ULK4: variants seen among roughly 807,000 people sequenced by gnomAD.
ULK4 encodes inactive serine/threonine-protein kinase ULK4.
In ULK4, 133 loss-of-function variants were observed where a neutral mutation model predicts 160.6. That is an observed-to-expected ratio of 0.83 (90% CI 0.72 to 0.96). The LOEUF (loss-of-function observed/expected upper bound fraction) is 0.96, where lower values mean the gene tolerates loss of function less well. Among genes scored for constraint, ULK4 ranks in the 40% least tolerant of loss-of-function variants. ULK4 has a pLI of 0.00. For missense variants in ULK4, 1,580 were observed against 1,499.5 expected, an observed-to-expected ratio of 1.05 and a Z score of -0.89; for synonymous variants, 534 against 539.8, an observed-to-expected ratio of 0.99 and a Z score of 0.15.
intron 27 of ULK4, among the ~76,000 whole-genome samples, chr3:41,689,354 TTTA>T (rs2036205441): frequency 1.3e-5 from 2 of 152,244 alleles, no homozygotes; most frequent in African/African-American, 4.8e-5. Flanking sequence ...TATACCAGAC[TTTA>T]TTGAGAGTCT....
intron 19 of ULK4, among the ~76,000 whole-genome samples, chr3:41,813,622 G>A (rs867391115): frequency 6.6e-6 from 1 of 152,178 alleles, no homozygotes; most frequent in Admixed American, 6.5e-5. Context: ...CAAGGAGCAA[G>A]TAAGTTAAAT....
chr3:41,438,981 A>T (rs1391292278), intron 34 of ULK4, among the ~76,000 whole-genome samples: 3 of 82,982 alleles, frequency 3.6e-5, no homozygotes, highest in Non-Finnish European at 7.5e-5. Flanking sequence ...GAAAATTTAA[A>T]AAAAAAAAAA....
intron 35 of ULK4, among the ~76,000 whole-genome samples, chr3:41,293,640 C>T (rs936409142): frequency 2.0e-5 from 3 of 152,124 alleles, no homozygotes; most frequent in Non-Finnish European, 4.4e-5. Context: ...CAATATTATT[C>T]TCAGCAACAT....
At chr3:41,805,519 T>A (rs1211102225) in intron 19 of ULK4, among the ~76,000 whole-genome samples, 17 of 152,076 alleles carry the variant, frequency 1.1e-4, no homozygotes, top group South Asian at 2.1e-4. Context: ...TCCAACACTA[T>A]GTTGAATAGG....
At chr3:41,643,034 G>C (rs1297241353) in intron 30 of ULK4, among the ~76,000 whole-genome samples, 1 of 152,022 alleles carries the variant, frequency 6.6e-6, no homozygotes, top group African/African-American at 2.4e-5. Context: ...TTTTTGATGG[G>C]GTTGTTTGTT....
At chr3:41,378,424 C>A (rs886552270) in intron 35 of ULK4, among the ~76,000 whole-genome samples, 4 of 151,206 alleles carry the variant, frequency 2.6e-5, no homozygotes, top group Non-Finnish European at 5.9e-5. Context: ...GTGGCACTTA[C>A]ATATACACCA....
At position 41,768,176 on chromosome 3, in the gene ULK4, C is replaced by T. The variant is rs115920940; in HGVS notation, c.2194-13688G>A. 2.5e-3 allele frequency among the ~76,000 whole-genome samples: 379 copies of T among 152,282 alleles called. 2 individuals are homozygous for T. Among genetic ancestry groups the T allele is most frequent in the African/African-American group, 8.5e-3 (352 of 41,564 alleles). On this transcript the variant is annotated intron_variant, in intron 21 of 36. Transcript: ENST00000301831. The stretch of plus-strand genomic sequence containing the variant: ...AACAGTTTCATCCCAAAACCACCTC[C>T]CCAGCTCTGGTCTGCTGGAAAAAAT...
In ULK4 at chr3:41,591,536, G is replaced by A. The variant is rs544906233; in HGVS notation, c.3120+24133C>T. On this transcript the variant is annotated intron_variant, in intron 31 of 36. Transcript: ENST00000301831. ...ATGCATAAATCTCATAATGTTTTAA[G>A]AAAGTTAACGAATTTGTGTTGGGCC... Among the ~76,000 whole-genome samples the A allele has an allele frequency of 7.1e-4, 108 of 151,842 alleles. 1 individual carries two copies. The highest frequency in any genetic ancestry group is 1.3e-3 in the Non-Finnish European group (91 of 67,966).
intron 31 of ULK4, among the ~76,000 whole-genome samples, chr3:41,597,609 A>AG (rs761602093): frequency 3.3e-5 from 5 of 152,160 alleles, no homozygotes; most frequent in Non-Finnish European, 7.3e-5. Context: ...TAGGCCACAG[A>AG]GAGTGAGTGT....
chr3:41,715,377 G>A, intron 24 of ULK4, 70 bp downstream of exon 24: 1 of 1,611,860 alleles, frequency 6.2e-7, no homozygotes, highest in Non-Finnish European at 8.5e-7. Flanking sequence ...TTTGAGTTGA[G>A]GATTCTCAGC....
chr3:41,858,533 A>G (rs1575839790), intron 17 of ULK4, among the ~76,000 whole-genome samples: 1 of 137,642 alleles, frequency 7.3e-6, no homozygotes, highest in East Asian at 2.1e-4. Context: ...TTTTTTTGAA[A>G]CCAGGCTGGA....
At chr3:41,561,164 G>A (rs986495695) in intron 32 of ULK4, among the ~76,000 whole-genome samples, 1 of 152,138 alleles carries the variant, frequency 6.6e-6, no homozygotes, top group Admixed American at 6.5e-5. Context: ...GATGGATTAT[G>A]TTTATTGATT....
At chr3:41,376,489 C>G (rs2081499135) in intron 35 of ULK4, among the ~76,000 whole-genome samples, 1 of 149,968 alleles carries the variant, frequency 6.7e-6, no homozygotes, top group Admixed American at 6.6e-5. Flanking sequence ...TGTCTCAGCC[C>G]AAAATCTCCT....
intron 17 of ULK4, among the ~76,000 whole-genome samples, chr3:41,843,810 C>T (rs1459020683): frequency 1.3e-5 from 2 of 152,168 alleles, no homozygotes; most frequent in African/African-American, 4.8e-5. Flanking sequence ...GCCCCACCCA[C>T]ATCCTGCTGA....
At chr3:41,516,355 C>A (rs892809058) in intron 32 of ULK4, among the ~76,000 whole-genome samples, 1 of 152,120 alleles carries the variant, frequency 6.6e-6, no homozygotes, top group East Asian at 1.9e-4. Flanking sequence ...ATTTACTTTT[C>A]AGCTATTAAA....
At chr3:41,350,906 C>G (rs1043233363) in intron 35 of ULK4, among the ~76,000 whole-genome samples, 1 of 152,174 alleles carries the variant, frequency 6.6e-6, no homozygotes, top group Non-Finnish European at 1.5e-5. Context: ...CTTCTACCAA[C>G]CTCTTCTAGA....
chr3:41,824,493 A>G (rs1338609207), intron 18 of ULK4, among the ~76,000 whole-genome samples: 1 of 152,204 alleles, frequency 6.6e-6, no homozygotes. Flanking sequence ...CAATGGTCTT[A>G]GCAAACAGCA....
chr3:41,763,565 C>T (rs1409687756), intron 21 of ULK4, among the ~76,000 whole-genome samples: 1 of 152,134 alleles, frequency 6.6e-6, no homozygotes, highest in Admixed American at 6.5e-5. Context: ...ATATAATATT[C>T]CATTGTGTGA....
In ULK4 at chr3:41,925,553, G is replaced by A. The variant is rs189761574; in HGVS notation, c.542-5735C>T. Among the ~76,000 whole-genome samples the A allele has an allele frequency of 5.0e-3, 754 of 152,228 alleles. 1 individual carries two copies. The highest frequency in any genetic ancestry group is 7.3e-3 in the Non-Finnish European group (495 of 68,002). ...GGCACCTGGAAGGCCAGAGAGACAG[G>A]ACCGTTCACTGCCCTGGAAAGGGGG... On this transcript the variant is annotated intron_variant, in intron 5 of 36. Coordinates refer to ENST00000301831, the MANE Select transcript of ULK4 (RefSeq NM_017886.4).
Sources: allele counts gnomAD v4.1 joint callset (sites outside exome capture counted in the v4.1 genomes callset), GRCh38; gene constraint gnomAD v4.1.1; transcripts MANE v1.5; gene names NCBI Gene and HGNC (gene_info 2026-07-23, HGNC 2026-07-21).